Variants in ABLIM2 observed in about 807,000 individuals in gnomAD.
The protein encoded by ABLIM2 is actin binding LIM protein family member 2, also known as actin-binding LIM protein 2.
ABLIM2 carries 53 observed loss-of-function variants against 97.7 expected under a neutral mutation model. That is an observed-to-expected ratio of 0.54 (90% CI 0.44 to 0.68). The LOEUF is 0.68. ABLIM2 is among the 30% of genes least tolerant of loss of function. ABLIM2 has a pLI of 0.00. For missense variants in ABLIM2, 835 were observed against 867.2 expected, an observed-to-expected ratio of 0.96 and a Z score of 0.47; for synonymous variants, 361 against 345.8, an observed-to-expected ratio of 1.04 and a Z score of -0.49.
chr4:7,999,686 A>G lies in ABLIM2; in HGVS notation c.1619-6759T>C, dbSNP rs2150151142. Among the ~76,000 whole-genome samples the G allele has an allele frequency of 6.6e-6, 1 of 152,262 alleles. No individual in the cohort carries two copies. Among genetic ancestry groups the G allele is most frequent in the East Asian group, 1.9e-4 (1 of 5,176 alleles). ...GTAGTACAGAGAGAGACCCACAGGGAGAAGGCAGGTAGGGGGCCAGGAGCA... is the reference window on the plus strand; with the variant it reads ...GTAGTACAGAGAGAGACCCACAGGGGGAAGGCAGGTAGGGGGCCAGGAGCA... On this transcript the variant is annotated intron_variant, in intron 16 of 20. Transcript: ENST00000447017. The surrounding 1 kb of genome is among the most constrained non-coding windows in gnomAD (Gnocchi z 4.4).
intron 20 of ABLIM2, among the ~76,000 whole-genome samples, chr4:7,974,597 CTACCATCCAATCCA>C (rs1298530327): frequency 3.5e-4 from 1 of 2,868 alleles, no homozygotes; most frequent in African/African-American, 1.0e-3. Flanking sequence ...CCATCCAATC[CTACCATCCAATCCA>C]TCCATCCATC....
chr4:8,060,864 G>A (rs576479927), intron 7 of ABLIM2, 103 bp downstream of exon 7: 7 of 1,010,644 alleles, frequency 6.9e-6, no homozygotes, highest in South Asian at 5.9e-5. Flanking sequence ...GTGACCTAGC[G>A]AGATGACACT....
At position 8,085,580 on chromosome 4, in the gene ABLIM2, A is replaced by T. The variant is rs569529987; in HGVS notation, c.454+2589T>A. Reference sequence around the variant, plus strand: ...ATGGCTCTGGGGGTGCCCACGCTGCAGCCCCGTCCACTCACGCGGGTCTGG... The same window carrying T: ...ATGGCTCTGGGGGTGCCCACGCTGCTGCCCCGTCCACTCACGCGGGTCTGG... On this transcript the variant is annotated intron_variant, in intron 4 of 20. Transcript: ENST00000447017. The surrounding 1 kb of genome is among the most constrained non-coding windows in gnomAD (Gnocchi z 6.1). Among the ~76,000 whole-genome samples, 67 of 134,970 alleles carry T rather than the reference A, an allele frequency of 5.0e-4. No homozygotes were observed. The highest frequency in any genetic ancestry group is 1.2e-3 in the Admixed American group (16 of 13,006). 88.5% of individuals were successfully genotyped at this position (134,970 alleles called of 152,430 possible).
chr4:8,041,631 G>A lies in ABLIM2; in HGVS notation c.900+3533C>T, dbSNP rs921268724. On this transcript the variant is annotated intron_variant, in intron 9 of 20. Coordinates refer to ENST00000447017, the MANE Select transcript of ABLIM2 (RefSeq NM_001130083.2). ...AAAAAAAAAAAAAGAGGCTGGGCAC[G>A]GTGGCTCACGCCTGTAATCCCAGCA... Among the ~76,000 whole-genome samples the A allele has an allele frequency of 5.3e-5, 8 of 151,808 alleles. No homozygotes were observed. In the South Asian group the frequency reaches 6.2e-4, roughly 12 times the overall value.
At chr4:8,104,785 AG>A (rs1418376834) in intron 2 of ABLIM2, among the ~76,000 whole-genome samples, 7 of 152,288 alleles carry the variant, frequency 4.6e-5, no homozygotes, top group African/African-American at 1.7e-4. Context: ...GTCGGTTCTC[AG>A]ATGGTCCCCT....
At chr4:8,121,871 C>T (rs543765972) in intron 1 of ABLIM2, among the ~76,000 whole-genome samples, 41 of 152,298 alleles carry the variant, frequency 2.7e-4, no homozygotes, top group African/African-American at 9.4e-4. Flanking sequence ...CCAGGGACTG[C>T]ACTCAGCACC....
intron 8 of ABLIM2, among the ~76,000 whole-genome samples, chr4:8,048,113 G>T (rs1269859222): frequency 2.0e-5 from 3 of 152,232 alleles, no homozygotes; most frequent in Admixed American, 1.3e-4. Flanking sequence ...GGGCAGCCAG[G>T]TCATTGTCCT....
rs1830861895 is a variant in ABLIM2, at chr4:8,095,092, T to TTC, written c.338+2005_338+2006dup. ...TTTCTTTCTCTCTCTCTCTCTTTCT[T>TTC]TCTTTCTCTTTCCTTTTCTTTCTTT... On this transcript the variant is annotated intron_variant, in intron 3 of 20. Transcript: ENST00000447017. This position sits in a 1 kb window ranked among gnomAD's most constrained non-coding sequence, Gnocchi z 4.7. 1.3e-5 allele frequency among the ~76,000 whole-genome samples: 2 copies of TTC among 151,268 alleles called. No individual in the cohort carries two copies. Among genetic ancestry groups the TTC allele is most frequent in the South Asian group, 2.1e-4 (1 of 4,758 alleles).
Position 8,150,934 on chromosome 4 carries a change from A to G in ABLIM2, c.10+7746T>C, listed in dbSNP as rs1712472483. On this transcript the variant is annotated intron_variant, in intron 1 of 20. Coordinates refer to ENST00000447017, the MANE Select transcript of ABLIM2 (RefSeq NM_001130083.2). This position sits in a 1 kb window ranked among gnomAD's most constrained non-coding sequence, Gnocchi z 6.3. ...GGGCACGACGTCAGGTTTGTCCCTG[A>G]GCTGTGAAGGGTATTTACAGCTGTG... 6.6e-6 allele frequency among the ~76,000 whole-genome samples: 1 copy of G among 152,040 alleles called. No homozygotes were observed. Among genetic ancestry groups the G allele is most frequent in the South Asian group, 2.1e-4 (1 of 4,824 alleles).
In ABLIM2 at chr4:8,067,518, C is replaced by T. The variant is rs893222053; in HGVS notation, c.676-6464G>A. ...GCACAGCCGCGTGGCCAGGGGCAGC[C>T]GGCACCCTCACTCACAGTTCGGGCC... On this transcript the variant is annotated intron_variant, in intron 6 of 20. Transcript: ENST00000447017. This position sits in a 1 kb window ranked among gnomAD's most constrained non-coding sequence, Gnocchi z 5.4. 10 of 152,268 alleles carry T rather than the reference C, an allele frequency of 6.6e-5. No homozygotes were observed. The highest frequency in any genetic ancestry group is 5.8e-4 in the East Asian group (3 of 5,190). 9.4% of individuals were successfully genotyped at this position (152,268 alleles called of 1,614,324 possible). A position where few individuals can be genotyped will look rare whatever the true frequency, so the allele number is the denominator to read the frequency against.
chr4:7,978,036 G>A (rs1200990498), intron 20 of ABLIM2, among the ~76,000 whole-genome samples: 1 of 152,124 alleles, frequency 6.6e-6, no homozygotes, highest in South Asian at 2.1e-4. Context: ...TTCCTTAAGA[G>A]GTTTATGTCC....
At chr4:8,152,137 C>A (rs1713103220) in intron 1 of ABLIM2, among the ~76,000 whole-genome samples, 1 of 152,102 alleles carries the variant, frequency 6.6e-6, no homozygotes, top group African/African-American at 2.4e-5. Flanking sequence ...ATCATGATGC[C>A]CCCAAACGGG....
chr4:7,995,256 C>T (rs905813047), intron 16 of ABLIM2, among the ~76,000 whole-genome samples: 1 of 152,260 alleles, frequency 6.6e-6, no homozygotes, highest in Non-Finnish European at 1.5e-5. Context: ...ATGGCTCACA[C>T]CTGCCTCATC....
chr4:8,036,651 C>T (rs747735983), intron 9 of ABLIM2, among the ~76,000 whole-genome samples: 48 of 152,214 alleles, frequency 3.2e-4, no homozygotes, highest in Non-Finnish European at 4.9e-4. Flanking sequence ...GTAGGCCTTG[C>T]GGAAGTGTCT....
At position 7,983,572 on chromosome 4, in the gene ABLIM2, C is replaced by A. The variant is rs779460847; in HGVS notation, c.1736-18G>T. 1.9e-6 allele frequency: 3 copies of A among 1,611,764 alleles called. No homozygotes were observed. Among genetic ancestry groups the A allele is most frequent in the East Asian group, 2.2e-5 (1 of 44,840 alleles). On this transcript the variant is annotated intron_variant, in intron 18 of 20. Coordinates refer to ENST00000447017, the MANE Select transcript of ABLIM2 (RefSeq NM_001130083.2). ...CTTGTATTCTGTAAGAGAGAGAGAG[C>A]GGAGACCACGAAATGGTTTAGAAAG...
rs1238783222 is a variant in ABLIM2 at position 8,082,619 on chromosome 4, T to C, written c.455-1817A>G. On this transcript the variant is annotated intron_variant, in intron 4 of 20. Transcript: ENST00000447017. This position sits in a 1 kb window ranked among gnomAD's most constrained non-coding sequence, Gnocchi z 5.6. Reference sequence around the variant, plus strand: ...TTCCTAAGTGACCACACTGTGCACATTCACATGCTACTTTGGAAAACAGCC... The same window carrying C: ...TTCCTAAGTGACCACACTGTGCACACTCACATGCTACTTTGGAAAACAGCC... 7.9e-5 allele frequency among the ~76,000 whole-genome samples: 12 copies of C among 152,180 alleles called. No homozygotes were observed. Among genetic ancestry groups the C allele is most frequent in the Admixed American group, 7.9e-4 (12 of 15,278 alleles).
rs554294032 is a variant in ABLIM2, at chr4:8,070,537, G to A, written c.675+7091C>T. ...TTTCTCCCAGTGACGAGAGTCATCC[G>A]TGCTTCCTGCCCCAAGACAGACAGG... On this transcript the variant is annotated intron_variant, in intron 6 of 20. Coordinates refer to ENST00000447017, the MANE Select transcript of ABLIM2 (RefSeq NM_001130083.2). Among the ~76,000 whole-genome samples the A allele has an allele frequency of 7.4e-4, 113 of 152,226 alleles. 1 individual carries two copies. Among genetic ancestry groups the A allele is most frequent in the African/African-American group, 2.4e-3 (100 of 41,518 alleles).
intron 20 of ABLIM2, among the ~76,000 whole-genome samples, chr4:7,967,339 G>A (rs1435335636): frequency 1.3e-5 from 2 of 152,236 alleles, no homozygotes; most frequent in African/African-American, 4.8e-5. Context: ...GCTGGAGCCA[G>A]AATCTTCTGC....
rs1414172495 is a variant in ABLIM2, at chr4:8,095,133, T to G, written c.338+1966A>C. On this transcript the variant is annotated intron_variant, in intron 3 of 20. Transcript: ENST00000447017. The surrounding 1 kb of genome is among the most constrained non-coding windows in gnomAD (Gnocchi z 4.7). ...TTCTTTCTTTTCTTTCTACAGGGTC[T>G]TGCTCTGTTACCCAGGCTGGAGAGC... Among the ~76,000 whole-genome samples, 1 of 151,756 alleles carries G rather than the reference T, an allele frequency of 6.6e-6. No individual in the cohort carries two copies.
Sources: allele counts gnomAD v4.1 joint callset (sites outside exome capture counted in the v4.1 genomes callset), GRCh38; gene constraint gnomAD v4.1.1; non-coding constraint Gnocchi (gnomAD v3.1); transcripts MANE v1.5; gene names NCBI Gene and HGNC (gene_info 2026-07-23, HGNC 2026-07-21).